Variants in PPP1R8 observed in about 807,000 individuals in gnomAD.
PPP1R8 encodes the protein nuclear inhibitor of protein phosphatase 1.
In PPP1R8, 4 loss-of-function variants were observed where a neutral mutation model predicts 31.3. The ratio of observed to expected loss-of-function variants is 0.13; its 90% CI spans 0.06 to 0.29. The LOEUF (loss-of-function observed/expected upper bound fraction) is 0.29. PPP1R8 is among the 10% of genes least tolerant of loss of function. PPP1R8 has a pLI of 1.00. For synonymous variants in PPP1R8, 170 were observed against 169.7 expected (o/e 1.00, Z -0.01); for missense variants, 254 against 440.1 (o/e 0.58, Z 3.78).
Position 27,850,244 on chromosome 1 carries a change from C to G in PPP1R8, c.854C>G (p.Ala285Gly), listed in dbSNP as rs1036978161. The change falls in exon 7 of 7, where the codon GCA (alanine) becomes GGA (glycine). Residue 285 changes from alanine (A) to glycine (G), a missense_variant. Around this residue, in one of 6 missense-constraint regions of PPP1R8, gnomAD observed 105 missense variants for 128.0 expected, o/e 0.82. Transcript: ENST00000311772. The stretch of plus-strand genomic sequence containing the variant: ...CAGCCACATGGCATCCATGGGACAG[C>G]ACTCATCGGTGGCTTGCCCATGCCA... The part of the protein sequence containing the change: ...GSQPHGIHGT[A>G]LIGGLPMPYP... 6.2e-7 allele frequency: 1 copy of G among 1,614,134 alleles called. No homozygotes were observed. The highest frequency in any genetic ancestry group is 1.3e-5 in the African/African-American group (1 of 74,940).
chr1:27,840,894 G>A (rs1013238998), intron 3 of PPP1R8, 120 bp from the exon 4 acceptor site: 91 of 1,003,742 alleles, frequency 9.1e-5, no homozygotes, highest in Non-Finnish European at 1.3e-4. Context: ...AGACAAAAAA[G>A]CAAAACTGAT....
chr1:27,834,266 G>A (rs2089139774), intron 2 of PPP1R8: 1 of 354,810 alleles, frequency 2.8e-6, no homozygotes, highest in African/African-American at 2.1e-5. Flanking sequence ...GTGTCTATTA[G>A]CTGATAACGT....
rs2089219135 is a variant in PPP1R8, at chr1:27,841,168, G to T, written c.426G>T (p.Lys142Asn). 1 of 1,614,234 alleles carries T rather than the reference G, an allele frequency of 6.2e-7. No homozygotes were observed. The highest frequency in any genetic ancestry group is 2.2e-5 in the East Asian group (1 of 44,888). Reference protein sequence around the residue: ...TLPSAVKGDEKMGGEDDELKG... With the variant: ...TLPSAVKGDENMGGEDDELKG... ...CATCGGCTGTGAAAGGAGATGAGAA[G>T]ATGGGTGGAGAGGATGATGAACTCA... The change falls in exon 4 of 7, where the codon AAG becomes AAT. Residue 142 changes from lysine (K) to asparagine (N), a missense_variant. Lys to Asn is a moderately conservative substitution (Grantham distance 94). Around this residue, in one of 6 missense-constraint regions of PPP1R8, gnomAD observed 27 missense variants for 26.7 expected, o/e 1.01. Coordinates refer to ENST00000311772, the MANE Select transcript of PPP1R8 (RefSeq NM_014110.5).
Position 27,830,835 on chromosome 1 carries a change from G to A in PPP1R8, c.-1G>A, listed in dbSNP as rs756296332. 10 of 1,576,074 alleles carry A rather than the reference G, an allele frequency of 6.3e-6. No homozygotes were observed. In the Admixed American group the frequency reaches 1.5e-4, roughly 23 times the overall value. The stretch of plus-strand genomic sequence containing the variant: ...CGCCAAATGGGAGGGGGAGACGCAA[G>A]ATGGCGGCAGCCGCGAACTCCGGCT... On this transcript the variant is annotated 5_prime_UTR_variant, in exon 1 of 7. Coordinates refer to ENST00000311772, the MANE Select transcript of PPP1R8 (RefSeq NM_014110.5).
At position 27,830,822 on chromosome 1, in the gene PPP1R8, G is replaced by C; in HGVS notation, c.-14G>C. 1 of 1,572,992 alleles carries C rather than the reference G, an allele frequency of 6.4e-7. No individual in the cohort carries two copies. Among genetic ancestry groups the C allele is most frequent in the Non-Finnish European group, 8.6e-7 (1 of 1,160,132 alleles). ...CGTGCTTAGGGCGCGCCAAATGGGA[G>C]GGGGAGACGCAAGATGGCGGCAGCC... On this transcript the variant is annotated 5_prime_UTR_variant, in exon 1 of 7. Coordinates refer to ENST00000311772, the MANE Select transcript of PPP1R8 (RefSeq NM_014110.5).
intron 2 of PPP1R8, among the ~76,000 whole-genome samples, chr1:27,833,883 T>C (rs1349518554): frequency 6.6e-6 from 1 of 152,184 alleles, no homozygotes; most frequent in African/African-American, 2.4e-5. Context: ...ATGCACGAGT[T>C]TTAATGATTT....
At chr1:27,838,942 A>G (rs1470685904) in intron 3 of PPP1R8, 90 bp downstream of exon 3, 15 of 1,278,558 alleles carry the variant, frequency 1.2e-5, no homozygotes, top group Non-Finnish European at 1.5e-5. Context: ...CGTTTTATGG[A>G]AAAAGTTAAT....
intron 6 of PPP1R8, among the ~76,000 whole-genome samples, chr1:27,847,956 C>T (rs1192916674): frequency 6.6e-6 from 1 of 152,072 alleles, no homozygotes; most frequent in Non-Finnish European, 1.5e-5. Flanking sequence ...AGAGAGAGGC[C>T]CACCTTCTTT....
intron 5 of PPP1R8, among the ~76,000 whole-genome samples, chr1:27,843,867 C>G (rs183183026): frequency 1.1e-4 from 16 of 152,080 alleles, no homozygotes; most frequent in Admixed American, 3.9e-4. Context: ...GCAGGAGAAT[C>G]GCTTAAACCT....
chr1:27,837,218 T>G (rs1218022850), intron 2 of PPP1R8, among the ~76,000 whole-genome samples: 1 of 151,932 alleles, frequency 6.6e-6, no homozygotes, highest in Non-Finnish European at 1.5e-5. Context: ...GATCATGAGG[T>G]CAGGAGATCA....
intron 1 of PPP1R8, among the ~76,000 whole-genome samples, chr1:27,832,142 C>A (rs1378024958): frequency 6.6e-6 from 1 of 152,188 alleles, no homozygotes; most frequent in Non-Finnish European, 1.5e-5. Context: ...ATATGAGTCT[C>A]CCTTGAATGG....
intron 4 of PPP1R8, among the ~76,000 whole-genome samples, chr1:27,842,907 A>G (rs888861333): frequency 2.0e-5 from 3 of 152,202 alleles, no homozygotes; most frequent in Non-Finnish European, 4.4e-5. Context: ...GGATATTTGC[A>G]CAGATGACCT....
At chr1:27,839,896 C>CA (rs1006795962) in intron 3 of PPP1R8, among the ~76,000 whole-genome samples, 1 of 151,724 alleles carries the variant, frequency 6.6e-6, no homozygotes, top group Non-Finnish European at 1.5e-5. Flanking sequence ...CGCGTCTCTA[C>CA]AAAAAAATAC....
chr1:27,845,586 A>G (rs1411039073), intron 5 of PPP1R8, among the ~76,000 whole-genome samples: 3 of 151,966 alleles, frequency 2.0e-5, no homozygotes, highest in East Asian at 3.9e-4. Flanking sequence ...GTCTATATAG[A>G]AGCCATTTGT....
chr1:27,842,114 G>T (rs2089227560), intron 4 of PPP1R8, among the ~76,000 whole-genome samples: 1 of 152,208 alleles, frequency 6.6e-6, no homozygotes, highest in African/African-American at 2.4e-5. Context: ...GCCGAGGTGG[G>T]CGGATCACCT....
intron 4 of PPP1R8, among the ~76,000 whole-genome samples, chr1:27,842,384 C>G (rs916946950): frequency 1.3e-5 from 2 of 151,600 alleles, no homozygotes; most frequent in Non-Finnish European, 2.9e-5. Context: ...ATTAAGAAGT[C>G]GTTTTGTTTT....
At chr1:27,849,986 C>A in intron 6 of PPP1R8, 107 bp from the exon 7 acceptor site, 1 of 1,093,294 alleles carries the variant, frequency 9.1e-7, no homozygotes, top group Non-Finnish European at 1.3e-6. Flanking sequence ...GGAATCTTTC[C>A]CAAAAGCCAT....
At chr1:27,849,886 C>T (rs2089323533) in intron 6 of PPP1R8, among the ~76,000 whole-genome samples, 1 of 152,146 alleles carries the variant, frequency 6.6e-6, no homozygotes, top group Admixed American at 6.6e-5. Flanking sequence ...GTTTGGGAAC[C>T]ATCGTAGATG....
chr1:27,839,788 G>A (rs1337440688), intron 3 of PPP1R8, among the ~76,000 whole-genome samples: 2 of 152,102 alleles, frequency 1.3e-5, no homozygotes, highest in African/African-American at 4.8e-5. Context: ...GCCAGGCATG[G>A]TGACTCACAC....
Sources: gnomAD v4.1 joint callset for allele counts (sites outside exome capture counted in the v4.1 genomes callset) on GRCh38, gnomAD v4.1.1 for gene constraint, gnomAD v4.1.1 regional missense constraint, MANE v1.5 for transcripts, NCBI Gene and HGNC (gene_info 2026-07-23, HGNC 2026-07-21) for gene names.